The following SYT16 variants were observed in gnomAD, a reference collection of about 807,000 sequenced individuals.
SYT16 encodes synaptotagmin-16.
In SYT16, 42 loss-of-function variants were observed where a neutral mutation model predicts 61.4. That is an observed-to-expected ratio of 0.68 (90% confidence interval 0.53 to 0.89). The LOEUF is 0.89. Ranked by LOEUF, SYT16 falls within the 40% of genes least tolerant of loss-of-function variation. The probability of loss-of-function intolerance (pLI) is 0.00; values close to 1 mark genes in which losing one functional copy is unlikely to be tolerated. For missense variants in SYT16, 804 were observed against 807.3 expected (o/e 1.00, Z 0.05); for synonymous variants, 314 against 302.3 (o/e 1.04, Z -0.40).
At chr14:62,061,917 C>A (rs555292949) in intron 3 of SYT16, among the ~76,000 whole-genome samples, 11 of 152,146 alleles carry the variant, frequency 7.2e-5, no homozygotes, top group African/African-American at 1.2e-4. Flanking sequence ...CCTGCTCTTG[C>A]TCACCATGCC....
In SYT16 at chr14:62,102,551, C is replaced by T. The variant is rs1282249830; in HGVS notation, c.*1844C>T. The T allele has an allele frequency of 2.6e-5, 4 of 152,026 alleles. No individual in the cohort carries two copies. The highest frequency in any genetic ancestry group is 6.6e-5 in the Admixed American group (1 of 15,258). 9.4% of individuals were successfully genotyped at this position (152,026 alleles called of 1,614,324 possible). ...ATTAACTGCTGAGTGGTCTTTGCAG[C>T]GTGGCTAAGTCATTGAGTAGAACTG... On this transcript the variant is annotated 3_prime_UTR_variant, in exon 8 of 8. Coordinates refer to ENST00000683842, the MANE Select transcript of SYT16 (RefSeq NM_001367656.1).
chr14:62,082,904 A>G (rs2056757991), intron 6 of SYT16, among the ~76,000 whole-genome samples: 1 of 152,240 alleles, frequency 6.6e-6, no homozygotes, highest in Non-Finnish European at 1.5e-5. Flanking sequence ...GCCAGACATT[A>G]GGCTATGCAC....
chr14:62,057,060 A>G (rs2055594949), intron 3 of SYT16, among the ~76,000 whole-genome samples: 1 of 152,174 alleles, frequency 6.6e-6, no homozygotes, highest in Non-Finnish European at 1.5e-5. Context: ...AGGCCGTGCA[A>G]AGGCCCCGTG....
chr14:61,938,508 A>G (rs1441657862), intron 1 of SYT16, among the ~76,000 whole-genome samples: 1 of 152,110 alleles, frequency 6.6e-6, no homozygotes, highest in East Asian at 1.9e-4. Context: ...AGAAATGAAT[A>G]AATAATGCTC....
At chr14:61,831,751 T>C (rs74894496) in intron 1 of SYT16, 2,239 of 166,940 alleles carry the variant, frequency 0.013, 52 homozygotes, top group African/African-American at 0.049. Context: ...TCAGGTAAAC[T>C]GGTCATTTAT....
intron 1 of SYT16, among the ~76,000 whole-genome samples, chr14:61,881,403 G>C (rs546123478): frequency 6.6e-6 from 1 of 152,122 alleles, no homozygotes; most frequent in Non-Finnish European, 1.5e-5. Flanking sequence ...TCTGGCTTCC[G>C]TTTTGGTATT....
At chr14:61,846,835 T>A (rs1395938636) in intron 1 of SYT16, among the ~76,000 whole-genome samples, 1 of 152,212 alleles carries the variant, frequency 6.6e-6, no homozygotes, top group Non-Finnish European at 1.5e-5. Context: ...TATGTTTTTT[T>A]ATTGGAAGTT....
chr14:62,009,584 G>A (rs771095461), intron 3 of SYT16, among the ~76,000 whole-genome samples: 13 of 152,182 alleles, frequency 8.5e-5, no homozygotes, highest in Non-Finnish European at 1.5e-4. Context: ...TGCAAACTAC[G>A]GTTCTCCTAT....
In SYT16 at chr14:61,821,767, T is replaced by C. The variant is rs537088555; in HGVS notation, c.-325+8957T>C. Among the ~76,000 whole-genome samples the C allele has an allele frequency of 3.3e-5, 5 of 152,322 alleles. No individual in the cohort carries two copies. In the South Asian group the frequency reaches 1.0e-3, roughly 32 times the overall value. The stretch of plus-strand genomic sequence containing the variant: ...CCTTCTTAACTCAAAAGGAAGGGAT[T>C]AAACAAGGATGTGAGTACTAGGAGA... On this transcript the variant is annotated intron_variant, in intron 1 of 7. Coordinates refer to ENST00000683842, the MANE Select transcript of SYT16 (RefSeq NM_001367656.1).
At chr14:61,930,310 G>A (rs977847978) in intron 1 of SYT16, among the ~76,000 whole-genome samples, 21 of 151,876 alleles carry the variant, frequency 1.4e-4, no homozygotes. Context: ...GACATCCCAT[G>A]AGCACCTCTG....
At chr14:61,941,387 T>A (rs769366029) in intron 1 of SYT16, among the ~76,000 whole-genome samples, 2 of 152,218 alleles carry the variant, frequency 1.3e-5, no homozygotes, top group Non-Finnish European at 2.9e-5. Flanking sequence ...CCTCACTCTT[T>A]GGGCTATTCT....
chr14:61,911,284 G>C (rs990053383), intron 1 of SYT16, among the ~76,000 whole-genome samples: 1 of 152,264 alleles, frequency 6.6e-6, no homozygotes, highest in African/African-American at 2.4e-5. Context: ...ATCAGAACCA[G>C]GCACTTTCTA....
intron 1 of SYT16, among the ~76,000 whole-genome samples, chr14:61,963,611 A>G (rs138236401): frequency 2.0e-4 from 30 of 152,324 alleles, no homozygotes; most frequent in African/African-American, 7.0e-4. Flanking sequence ...TCCCCATTAC[A>G]TGAAAGAGCA....
chr14:62,091,996 C>G lies in SYT16; in HGVS notation c.1624+7611C>G, dbSNP rs1171849662. The stretch of plus-strand genomic sequence containing the variant: ...GAATATATAGAGAACTCCTAAAACT[C>G]AACAACAAAACAGTGTGAGTTTAAA... On this transcript the variant is annotated intron_variant, in intron 7 of 7. Coordinates refer to ENST00000683842, the MANE Select transcript of SYT16 (RefSeq NM_001367656.1). Among the ~76,000 whole-genome samples the G allele has an allele frequency of 2.6e-5, 4 of 151,980 alleles. No homozygotes were observed. The East Asian group carries it at 7.7e-4, about 29-fold the overall frequency.
intron 3 of SYT16, among the ~76,000 whole-genome samples, chr14:62,068,319 A>C (rs1164855741): frequency 6.6e-6 from 1 of 152,178 alleles, no homozygotes. Context: ...TAAGCCAGAC[A>C]CAGAAAGAGG....
chr14:61,817,062 A>T (rs1012297449), intron 1 of SYT16, among the ~76,000 whole-genome samples: 1 of 151,628 alleles, frequency 6.6e-6, no homozygotes, highest in Non-Finnish European at 1.5e-5. Flanking sequence ...TTATTTATTA[A>T]TTGGAAAATG....
intron 1 of SYT16, among the ~76,000 whole-genome samples, chr14:61,894,401 C>T (rs756136565): frequency 6.6e-6 from 1 of 151,850 alleles, no homozygotes; most frequent in Non-Finnish European, 1.5e-5. Flanking sequence ...GACATAAGAC[C>T]GTCCTATCTG....
At chr14:61,881,394 C>G (rs1249037986) in intron 1 of SYT16, among the ~76,000 whole-genome samples, 1 of 152,236 alleles carries the variant, frequency 6.6e-6, no homozygotes, top group Non-Finnish European at 1.5e-5. Flanking sequence ...TCACTTTTAT[C>G]TGGCTTCCGT....
chr14:61,998,018 C>T (rs1052015705), intron 3 of SYT16, among the ~76,000 whole-genome samples: 2 of 152,002 alleles, frequency 1.3e-5, no homozygotes, highest in African/African-American at 2.4e-5. Flanking sequence ...AACGATGGAA[C>T]AGCAACAAGG....
Sources: gnomAD v4.1 joint callset for allele counts (sites outside exome capture counted in the v4.1 genomes callset) on GRCh38, gnomAD v4.1.1 for gene constraint, MANE v1.5 for transcripts, NCBI Gene and HGNC (gene_info 2026-07-23, HGNC 2026-07-21) for gene names.